Variants in OR7C1 observed in about 807,000 individuals in gnomAD.
OR7C1 encodes olfactory receptor 7C1.
For synonymous variants in OR7C1, 152 were observed against 160.7 expected (o/e 0.95, Z 0.41); for missense variants, 324 against 383.3 (o/e 0.85, Z 1.29).
At chr19:14,800,393 G>A (rs896721911) in exon 4 of OR7C1, 12 of 405,398 alleles carry the variant, frequency 3.0e-5, no homozygotes, top group African/African-American at 2.3e-4. Flanking sequence ...TGTTGTCCAT[G>A]AACCAACAAG....
chr19:14,807,913 A>G (rs1331448306), intron 2 of OR7C1, among the ~76,000 whole-genome samples: 2 of 151,596 alleles, frequency 1.3e-5, no homozygotes, highest in Non-Finnish European at 2.9e-5. Context: ...AAAACAAACA[A>G]ACAGTCTTTA....
intron 2 of OR7C1, among the ~76,000 whole-genome samples, chr19:14,808,127 T>A (rs2044674636): frequency 6.6e-6 from 1 of 151,366 alleles, no homozygotes; most frequent in South Asian, 2.1e-4. Context: ...CAACAGATGT[T>A]GGTGAGGATG....
At chr19:14,811,970 G>A (rs2044693008) in intron 1 of OR7C1, among the ~76,000 whole-genome samples, 3 of 151,874 alleles carry the variant, frequency 2.0e-5, no homozygotes, top group African/African-American at 7.3e-5. Context: ...CCTGCACTAA[G>A]TTATTTACTA....
At chr19:14,809,106 C>A (rs1249332445) in intron 2 of OR7C1, among the ~76,000 whole-genome samples, 1 of 151,944 alleles carries the variant, frequency 6.6e-6, no homozygotes, top group East Asian at 1.9e-4. Context: ...CTGAATTTGA[C>A]CCATTGTATC....
At chr19:14,815,376 G>A (rs1038620018) in intron 1 of OR7C1, among the ~76,000 whole-genome samples, 2 of 152,220 alleles carry the variant, frequency 1.3e-5, no homozygotes, top group Admixed American at 6.5e-5. Flanking sequence ...TCATACACAT[G>A]CACCAGGGCC....
At chr19:14,807,981 TA>T (rs34706746) in intron 2 of OR7C1, among the ~76,000 whole-genome samples, 22,856 of 151,548 alleles carry the variant, frequency 0.15, 1,919 homozygotes, top group Non-Finnish European at 0.18. Context: ...CTCACCAACA[TA>T]TTTTTTTATT....
chr19:14,810,686 G>A (rs558487804), intron 1 of OR7C1, among the ~76,000 whole-genome samples: 4 of 151,658 alleles, frequency 2.6e-5, no homozygotes, highest in African/African-American at 4.9e-5. Flanking sequence ...CGCCAGGCCC[G>A]AAATGAGCTC....
chr19:14,803,307 C>CAA (rs553496845), intron 2 of OR7C1, among the ~76,000 whole-genome samples: 20,122 of 83,290 alleles, frequency 0.24, 2,246 homozygotes, highest in African/African-American at 0.29. Context: ...ACTATGTCTC[C>CAA]AAAAAAAAAA....
At chr19:14,833,198 G>T (rs1237252016) in intron 1 of OR7C1, among the ~76,000 whole-genome samples, 3 of 152,168 alleles carry the variant, frequency 2.0e-5, no homozygotes, top group Non-Finnish European at 4.4e-5. Context: ...TTCAATATCG[G>T]CCAGGTACGG....
chr19:14,827,573 A>G (rs768021638), intron 1 of OR7C1: 2 of 1,614,094 alleles, frequency 1.2e-6, no homozygotes, highest in African/African-American at 2.7e-5. Context: ...CATGTATGGA[A>G]GAAATTATCT....
intron 2 of OR7C1, among the ~76,000 whole-genome samples, chr19:14,803,493 G>A (rs1018162456): frequency 1.1e-4 from 16 of 151,936 alleles, no homozygotes; most frequent in Middle Eastern, 3.2e-3. Context: ...GAGTCACCAT[G>A]TTGAACATGC....
intron 1 of OR7C1, chr19:14,827,695 G>A (rs374657730): frequency 6.2e-7 from 1 of 1,614,162 alleles, no homozygotes; most frequent in Admixed American, 1.7e-5. Flanking sequence ...TGGATGACCT[G>A]ATTAAGTTCA....
intron 1 of OR7C1, among the ~76,000 whole-genome samples, chr19:14,834,175 T>C (rs906190926): frequency 2.0e-5 from 3 of 152,098 alleles, no homozygotes; most frequent in African/African-American, 7.2e-5. Flanking sequence ...GGTGGGAGGA[T>C]CACCGGAGCC....
intron 1 of OR7C1, chr19:14,827,368 G>C (rs376021911): frequency 6.2e-7 from 1 of 1,611,428 alleles, no homozygotes; most frequent in African/African-American, 1.3e-5. Context: ...TTATTCCTCA[G>C]ACTATAGATA....
intron 1 of OR7C1, among the ~76,000 whole-genome samples, chr19:14,823,911 T>TTC (rs888041031): frequency 2.6e-5 from 4 of 152,152 alleles, no homozygotes; most frequent in African/African-American, 9.7e-5. Flanking sequence ...TGTGCTTTTT[T>TTC]TTTTTTTGGC....
At chr19:14,801,788 C>G (rs551984476) in intron 2 of OR7C1, among the ~76,000 whole-genome samples, 1 of 152,160 alleles carries the variant, frequency 6.6e-6, no homozygotes, top group Non-Finnish European at 1.5e-5. Flanking sequence ...TTTCACATGG[C>G]AGCAGAGAGA....
At chr19:14,800,129 G>C (rs763340853) in exon 5 of OR7C1, 1 of 1,567,708 alleles carries the variant, frequency 6.4e-7, no homozygotes, top group Non-Finnish European at 8.7e-7. Context: ...TTGATTTCCT[G>C]TTTCCATGGG....
chr19:14,816,455 G>A (rs958142285), intron 1 of OR7C1, among the ~76,000 whole-genome samples: 1 of 152,198 alleles, frequency 6.6e-6, no homozygotes, highest in Non-Finnish European at 1.5e-5. Flanking sequence ...GAGCCGACTT[G>A]CTGAGTCTTC....
At chr19:14,833,157 C>T (rs1363275261) in intron 1 of OR7C1, among the ~76,000 whole-genome samples, 2 of 152,162 alleles carry the variant, frequency 1.3e-5, no homozygotes, top group African/African-American at 4.8e-5. Flanking sequence ...CTACCTCACA[C>T]ATCTTACACA....
Sources: allele counts gnomAD v4.1 joint callset (sites outside exome capture counted in the v4.1 genomes callset), GRCh38; gene constraint gnomAD v4.1.1; transcripts MANE v1.5; gene names NCBI Gene and HGNC (gene_info 2026-07-23, HGNC 2026-07-21).